The following SOX5 variants were observed in gnomAD, a reference collection of about 807,000 sequenced individuals.
SOX5 encodes transcription factor SOX-5.
Under a neutral mutation model 92.0 loss-of-function variants are expected in SOX5, and 9 were observed. The ratio of observed to expected loss-of-function variants is 0.10; its 90% confidence interval spans 0.06 to 0.17. SOX5 has a LOEUF of 0.17. SOX5 is among the 10% of genes least tolerant of loss of function. SOX5 has a pLI of 1.00. For missense variants in SOX5, 642 were observed against 944.5 expected (o/e 0.68, Z 4.20); for synonymous variants, 344 against 336.3 (o/e 1.02, Z -0.25).
intron 1 of SOX5, among the ~76,000 whole-genome samples, chr12:24,474,410 C>A (rs1945131982): frequency 6.6e-6 from 1 of 152,132 alleles, no homozygotes; most frequent in African/African-American, 2.4e-5. Context: ...TGGATGACCC[C>A]CCCACCGGTG....
intron 1 of SOX5, among the ~76,000 whole-genome samples, chr12:24,524,677 T>C (rs564717691): frequency 6.6e-6 from 1 of 152,124 alleles, no homozygotes; most frequent in African/African-American, 2.4e-5. Flanking sequence ...CAAGTATTGG[T>C]GAGAATATTG....
chr12:24,385,230 A>G lies in SOX5; in HGVS notation c.-250-16591T>C, dbSNP rs111474701. Among the ~76,000 whole-genome samples the G allele has an allele frequency of 1.9e-3, 287 of 152,314 alleles. 1 individual carries two copies. The highest frequency in any genetic ancestry group is 6.4e-3 in the African/African-American group (267 of 41,582). On this transcript the variant is annotated intron_variant, in intron 1 of 4. Transcript: ENST00000446891. The stretch of plus-strand genomic sequence containing the variant: ...CTACTTATGAAGTTTCCACTTTACA[A>G]TGGTGCAAAACCATTCTGTTTTTCA...
At chr12:23,655,010 T>A (rs191575225) in intron 7 of SOX5, among the ~76,000 whole-genome samples, 1 of 152,214 alleles carries the variant, frequency 6.6e-6, no homozygotes, top group African/African-American at 2.4e-5. Flanking sequence ...TAATGTAGCA[T>A]AGCAAATGAA....
At chr12:23,876,938 G>A (rs1017743782) in intron 2 of SOX5, among the ~76,000 whole-genome samples, 1 of 152,022 alleles carries the variant, frequency 6.6e-6, no homozygotes, top group Non-Finnish European at 1.5e-5. Context: ...AGTGGGAATT[G>A]AACAATGAGA....
chr12:23,584,073 G>A (rs918369139), intron 9 of SOX5, among the ~76,000 whole-genome samples: 5 of 152,052 alleles, frequency 3.3e-5, no homozygotes, highest in Admixed American at 6.6e-5. Context: ...TGTACAAAAT[G>A]AGCACATCAG....
intron 1 of SOX5, among the ~76,000 whole-genome samples, chr12:23,929,132 A>C (rs1315719207): frequency 1.3e-5 from 2 of 151,972 alleles, no homozygotes; most frequent in Non-Finnish European, 2.9e-5. Context: ...CAATCAGAAG[A>C]GATTTTGAAT....
intron 1 of SOX5, among the ~76,000 whole-genome samples, chr12:24,401,734 A>T (rs1961709852): frequency 6.7e-6 from 1 of 149,790 alleles, no homozygotes; most frequent in African/African-American, 2.4e-5. Flanking sequence ...AAAAAAAAAA[A>T]AAATTGCAAA....
chr12:23,808,604 A>C (rs1027400332), intron 3 of SOX5, among the ~76,000 whole-genome samples: 3 of 152,174 alleles, frequency 2.0e-5, no homozygotes, highest in Non-Finnish European at 1.5e-5. Context: ...ATATACTATA[A>C]AAAATAAGAT....
chr12:24,030,008 C>T (rs902127400), intron 4 of SOX5, among the ~76,000 whole-genome samples: 2 of 151,822 alleles, frequency 1.3e-5, no homozygotes, highest in African/African-American at 2.4e-5. Flanking sequence ...TTATGAGGTA[C>T]GTGTTGTTTT....
chr12:24,374,434 G>A (rs528163792), intron 1 of SOX5, among the ~76,000 whole-genome samples: 4 of 152,202 alleles, frequency 2.6e-5, no homozygotes, highest in African/African-American at 4.8e-5. Flanking sequence ...TTTATTCCTC[G>A]TAGTTGGTGC....
At chr12:23,781,417 G>C (rs1405612157) in intron 3 of SOX5, among the ~76,000 whole-genome samples, 1 of 151,936 alleles carries the variant, frequency 6.6e-6, no homozygotes, top group Non-Finnish European at 1.5e-5. Context: ...AAACATGCAT[G>C]CTTACAAGGT....
intron 7 of SOX5, among the ~76,000 whole-genome samples, chr12:23,652,789 T>C (rs1197806107): frequency 6.6e-6 from 1 of 152,064 alleles, no homozygotes; most frequent in Non-Finnish European, 1.5e-5. Flanking sequence ...AGCTTCTCAA[T>C]CAGTCTCCCA....
At chr12:23,852,963 G>A (rs150564601) in intron 2 of SOX5, among the ~76,000 whole-genome samples, 151 of 152,054 alleles carry the variant, frequency 9.9e-4, no homozygotes, top group African/African-American at 3.5e-3. Flanking sequence ...AGAAGGAAAG[G>A]GGGGAATGAT....
At chr12:24,438,459 T>C (rs1285363091) in intron 1 of SOX5, among the ~76,000 whole-genome samples, 2 of 152,086 alleles carry the variant, frequency 1.3e-5, no homozygotes, top group Admixed American at 6.6e-5. Flanking sequence ...ATATATATTT[T>C]GTAAGGCTAT....
chr12:24,053,034 T>C (rs1282256234), intron 4 of SOX5, among the ~76,000 whole-genome samples: 1 of 152,208 alleles, frequency 6.6e-6, no homozygotes, highest in Non-Finnish European at 1.5e-5. Context: ...TTGTCTGCCT[T>C]TGTAAAACTT....
chr12:24,427,552 C>T (rs1966852626), intron 1 of SOX5, among the ~76,000 whole-genome samples: 2 of 152,180 alleles, frequency 1.3e-5, no homozygotes, highest in African/African-American at 4.8e-5. Flanking sequence ...TGAGTGCAAT[C>T]TTTTATCTGT....
chr12:24,203,148 A>G (rs1441179015), intron 4 of SOX5, among the ~76,000 whole-genome samples: 2 of 152,042 alleles, frequency 1.3e-5, no homozygotes, highest in African/African-American at 4.8e-5. Flanking sequence ...CTTTCTTACA[A>G]CCTTATGGAC....
chr12:24,002,776 A>C (rs1193834025), intron 4 of SOX5, among the ~76,000 whole-genome samples: 1 of 152,120 alleles, frequency 6.6e-6, no homozygotes, highest in Admixed American at 6.6e-5. Context: ...GTTCTTCATA[A>C]ACTCTTACAA....
chr12:23,587,416 C>A (rs966760293), intron 9 of SOX5, among the ~76,000 whole-genome samples: 9 of 152,186 alleles, frequency 5.9e-5, no homozygotes, highest in East Asian at 1.9e-4. Context: ...GCTTAGGCAA[C>A]TTTTCAAAGC....
Sources: allele counts gnomAD v4.1 joint callset (sites outside exome capture counted in the v4.1 genomes callset), GRCh38; gene constraint gnomAD v4.1.1; transcripts MANE v1.5; gene names NCBI Gene and HGNC (gene_info 2026-07-23, HGNC 2026-07-21).